Variants in NDST3 observed in about 807,000 individuals in gnomAD.
NDST3 encodes bifunctional heparan sulfate N-deacetylase/N-sulfotransferase 3.
NDST3 carries 58 observed loss-of-function variants against 96.1 expected under a neutral mutation model. The observed-to-expected ratio is 0.60, with a 90% confidence interval of 0.49 to 0.75. The LOEUF (loss-of-function observed/expected upper bound fraction) is 0.75, where lower values mean the gene tolerates loss of function less well. NDST3 is among the 30% of genes least tolerant of loss of function. The pLI is 0.00. For synonymous variants in NDST3, 333 were observed against 359.7 expected, an observed-to-expected ratio of 0.93 and a Z score of 0.84; for missense variants, 788 against 1,034.2, an observed-to-expected ratio of 0.76 and a Z score of 3.27.
chr4:118,048,397 T>A (rs1724889505), intron 1 of NDST3, among the ~76,000 whole-genome samples: 1 of 151,946 alleles, frequency 6.6e-6, no homozygotes, highest in African/African-American at 2.4e-5. Flanking sequence ...TGAATGTAAA[T>A]GAGCTAAATG....
intron 12 of NDST3, among the ~76,000 whole-genome samples, chr4:118,251,134 T>A (rs1028668811): frequency 6.3e-5 from 9 of 143,076 alleles, no homozygotes; most frequent in African/African-American, 2.3e-4. Flanking sequence ...TATTTTATTT[T>A]TTTTTTTTTT....
rs1459788343 is a variant in NDST3 at position 118,193,498 on chromosome 4, C to T, written c.1540-30993C>T. The T allele has an allele frequency of 3.3e-6, 3 of 900,902 alleles. No homozygotes were observed. The African/African-American group carries it at 4.9e-5, about 15-fold the overall frequency. The allele number at this position is 900,902 out of a possible 1,614,324, so 55.8% of individuals were successfully genotyped here. On this transcript the variant is annotated intron_variant, in intron 6 of 13. Coordinates refer to ENST00000296499, the MANE Select transcript of NDST3 (RefSeq NM_004784.3). ...CAGTGAGATTGTCTCCTGAGGAAGCCTCTGCCTTGGCCTTGTTCTCTTCCT... is the reference window on the plus strand; with the variant it reads ...CAGTGAGATTGTCTCCTGAGGAAGCTTCTGCCTTGGCCTTGTTCTCTTCCT...
At chr4:118,141,352 TTATGGAGCAAGGCAGTGGAA>T (rs1459370275) in intron 5 of NDST3, among the ~76,000 whole-genome samples, 2 of 152,082 alleles carry the variant, frequency 1.3e-5, no homozygotes, top group Non-Finnish European at 2.9e-5. Flanking sequence ...GCCACTGCAT[TTATGGAGCAAGGCAGTGGAA>T]TATGACCCTT....
intron 6 of NDST3, among the ~76,000 whole-genome samples, chr4:118,214,662 G>A (rs1264768419): frequency 1.3e-5 from 2 of 152,084 alleles, no homozygotes; most frequent in African/African-American, 4.8e-5. Context: ...AGCTTTTAAA[G>A]AACCCAGGTA....
At chr4:118,067,138 AT>A (rs1442653483) in intron 2 of NDST3, among the ~76,000 whole-genome samples, 1 of 151,400 alleles carries the variant, frequency 6.6e-6, no homozygotes, top group Non-Finnish European at 1.5e-5. Flanking sequence ...GAATAGTTAT[AT>A]CCTGCCAAAC....
rs932990503 is a variant in NDST3, at chr4:118,257,301, G to C, written c.*1589G>C. ...TTACAGCCATGCACCACCACGCCCG[G>C]GTAATTTTTGTATTTTTAGTAGTGA... On this transcript the variant is annotated 3_prime_UTR_variant, in exon 14 of 14. Transcript: ENST00000296499. 13 of 151,890 alleles carry C rather than the reference G, an allele frequency of 8.6e-5. No homozygotes were observed. Among genetic ancestry groups the C allele is most frequent in the African/African-American group, 3.1e-4 (13 of 41,298 alleles). The allele number at this position is 151,890 out of a possible 1,614,324, so 9.4% of individuals were successfully genotyped here. A position where few individuals can be genotyped will look rare whatever the true frequency, so the allele number is the denominator to read the frequency against.
In NDST3 at chr4:118,124,729, T is replaced by C. The variant is rs115040639; in HGVS notation, c.1224+9769T>C. Among the ~76,000 whole-genome samples, 1,299 of 152,218 alleles carry C rather than the reference T, an allele frequency of 8.5e-3. 20 individuals carry two copies. Among genetic ancestry groups the C allele is most frequent in the African/African-American group, 0.024 (1,007 of 41,550 alleles). ...TTACTGTATACTAAATTAAACACCA[T>C]ACACTCATCTCTTTTCCGGAGATGA... On this transcript the variant is annotated intron_variant, in intron 4 of 13. Transcript: ENST00000296499.
At chr4:118,229,162 G>C (rs370107048) in intron 8 of NDST3, among the ~76,000 whole-genome samples, 1 of 152,138 alleles carries the variant, frequency 6.6e-6, no homozygotes, top group Non-Finnish European at 1.5e-5. Context: ...CTAGCCAGGC[G>C]TGGTGGCGTG....
chr4:118,239,701 G>A (rs1057114847), intron 10 of NDST3, among the ~76,000 whole-genome samples: 1 of 152,042 alleles, frequency 6.6e-6, no homozygotes, highest in Non-Finnish European at 1.5e-5. Flanking sequence ...AAATCACAGT[G>A]GCAAAATGCA....
chr4:118,068,088 G>A (rs992126518), intron 2 of NDST3, among the ~76,000 whole-genome samples: 5 of 151,326 alleles, frequency 3.3e-5, no homozygotes, highest in African/African-American at 1.2e-4. Context: ...TGTCTCTAAG[G>A]AGCAAAGTTA....
At chr4:118,092,677 T>A (rs1249592687) in intron 2 of NDST3, among the ~76,000 whole-genome samples, 1 of 151,824 alleles carries the variant, frequency 6.6e-6, no homozygotes, top group Non-Finnish European at 1.5e-5. Flanking sequence ...AATTAATTTG[T>A]TTATTCATTC....
rs918646899 is a variant in NDST3, at chr4:118,258,335, G to A, written c.*2623G>A. ...CTTTCCACATTATATACTCCAACTG[G>A]TTAATATGCTAATCTGAAAGTAACA... On this transcript the variant is annotated 3_prime_UTR_variant, in exon 14 of 14. Coordinates refer to ENST00000296499, the MANE Select transcript of NDST3 (RefSeq NM_004784.3). The A allele has an allele frequency of 1.3e-5, 2 of 152,128 alleles. No homozygotes were observed. The highest frequency in any genetic ancestry group is 2.9e-5 in the Non-Finnish European group (2 of 68,014). 9.4% of individuals were successfully genotyped at this position (152,128 alleles called of 1,614,324 possible).
At chr4:118,042,051 C>G (rs1252737356) in intron 1 of NDST3, among the ~76,000 whole-genome samples, 2 of 152,172 alleles carry the variant, frequency 1.3e-5, no homozygotes, top group Non-Finnish European at 2.9e-5. Context: ...TGTAACCTGT[C>G]AATTCCAAAG....
chr4:118,041,186 G>A (rs1239365917), intron 1 of NDST3, among the ~76,000 whole-genome samples: 1 of 152,074 alleles, frequency 6.6e-6, no homozygotes, highest in African/African-American at 2.4e-5. Context: ...GAAGGATCGT[G>A]TTGCAGTTAT....
intron 6 of NDST3, among the ~76,000 whole-genome samples, chr4:118,223,086 G>A (rs1170454798): frequency 6.6e-6 from 1 of 151,786 alleles, no homozygotes; most frequent in Non-Finnish European, 1.5e-5. Context: ...AAATTTTTAG[G>A]AGAAAGGTGA....
At chr4:118,170,054 G>A (rs1735831179) in intron 6 of NDST3, among the ~76,000 whole-genome samples, 1 of 152,276 alleles carries the variant, frequency 6.6e-6, no homozygotes, top group Non-Finnish European at 1.5e-5. Flanking sequence ...AAGCAGAATT[G>A]CCTTGGATTC....
chr4:118,064,546 T>A (rs912643311), intron 2 of NDST3, among the ~76,000 whole-genome samples: 1 of 152,106 alleles, frequency 6.6e-6, no homozygotes, highest in Non-Finnish European at 1.5e-5. Context: ...ATTTTTAAAA[T>A]TAAAATTAAA....
chr4:118,080,159 A>C lies in NDST3; in HGVS notation c.982-24859A>C, dbSNP rs888345472. ...ACGGATTAAATTAATAAACACGTGTAAAGTACTTAAAACAGTACCTGGTGT... is the reference window on the plus strand; with the variant it reads ...ACGGATTAAATTAATAAACACGTGTCAAGTACTTAAAACAGTACCTGGTGT... On this transcript the variant is annotated intron_variant, in intron 2 of 13. Transcript: ENST00000296499. 5.3e-4 allele frequency among the ~76,000 whole-genome samples: 81 copies of C among 152,140 alleles called. 1 individual carries two copies. The highest frequency in any genetic ancestry group is 2.0e-3 in the African/African-American group (81 of 41,424).
intron 2 of NDST3, among the ~76,000 whole-genome samples, chr4:118,066,101 ATATAATATATTTTATATATTATATATATT>A (rs1726308071): frequency 2.4e-5 from 1 of 41,718 alleles, no homozygotes; most frequent in East Asian, 5.5e-4. Context: ...TATATATATT[ATATAATATATTTTATATATTATATATATT>A]ATATAATATA....
Sources: gnomAD v4.1 joint callset for allele counts (sites outside exome capture counted in the v4.1 genomes callset) on GRCh38, gnomAD v4.1.1 for gene constraint, MANE v1.5 for transcripts, NCBI Gene and HGNC (gene_info 2026-07-23, HGNC 2026-07-21) for gene names.